The following ELAC2 variants were observed in gnomAD, a reference collection of about 807,000 sequenced individuals.
ELAC2 encodes the protein zinc phosphodiesterase ELAC protein 2.
ELAC2 carries 92 observed loss-of-function variants against 105.2 expected under a neutral mutation model. That is an observed-to-expected ratio of 0.87 (90% confidence interval 0.74 to 1.04). The LOEUF (loss-of-function observed/expected upper bound fraction) is 1.04, where lower values mean the gene tolerates loss of function less well. Among genes scored for constraint, ELAC2 ranks in the 50% least tolerant of loss-of-function variants. ELAC2 has a pLI of 0.00. For synonymous variants in ELAC2, 468 were observed against 409.1 expected, an observed-to-expected ratio of 1.14 and a Z score of -1.74; for missense variants, 1,099 against 1,071.7, an observed-to-expected ratio of 1.03 and a Z score of -0.36.
chr17:13,006,194 A>G (rs1194156819), intron 8 of ELAC2: 1 of 550,350 alleles, frequency 1.8e-6, no homozygotes, highest in Non-Finnish European at 3.3e-6. Flanking sequence ...AACGTGGAGA[A>G]ACCCCGTCTC....
intron 4 of ELAC2, 97 bp from the exon 5 acceptor site, chr17:13,014,593 A>G: frequency 1.1e-6 from 1 of 883,736 alleles, no homozygotes; most frequent in South Asian, 1.3e-5. Flanking sequence ...GTATCAACAT[A>G]AAACAAAGCT....
At chr17:13,001,513 AAAATAAATAAATT>A (rs1567753331) in intron 14 of ELAC2, among the ~76,000 whole-genome samples, 1 of 151,550 alleles carries the variant, frequency 6.6e-6, no homozygotes, top group African/African-American at 2.4e-5. Flanking sequence ...ATAAATAAAT[AAAATAAATAAATT>A]AATTAATTAA....
At chr17:13,011,475 G>T (rs2041406553) in intron 7 of ELAC2, among the ~76,000 whole-genome samples, 188 bp downstream of exon 7, 1 of 152,180 alleles carries the variant, frequency 6.6e-6, no homozygotes, top group Non-Finnish European at 1.5e-5. Context: ...CATTATTAAA[G>T]TTGCAGGCTG....
chr17:13,000,004 A>G lies in ELAC2; in HGVS notation c.1423+152T>C, dbSNP rs118141505. 0.013 allele frequency: 9,616 copies of G among 717,656 alleles called. 516 individuals are homozygous for G. The East Asian group carries it at 0.14, about 11-fold the overall frequency. 44.5% of individuals were successfully genotyped at this position (717,656 alleles called of 1,614,324 possible). A position where few individuals can be genotyped will look rare whatever the true frequency, so the allele number is the denominator to read the frequency against. On this transcript the variant is annotated intron_variant, in intron 15 of 23. Coordinates refer to ENST00000338034, the MANE Select transcript of ELAC2 (RefSeq NM_018127.7). ...CCCAAAGCCCCCTCCTCCAATGACT[A>G]TAATTCTAATGTAGAGCTGAGTAGA...
intron 11 of ELAC2, among the ~76,000 whole-genome samples, chr17:13,004,298 C>A (rs778803524): frequency 2.0e-5 from 3 of 152,082 alleles, no homozygotes; most frequent in Non-Finnish European, 4.4e-5. Context: ...CAACTCCTAA[C>A]GCTCTGACTC....
chr17:12,996,394 T>G, intron 17 of ELAC2, 153 bp downstream of exon 17: 1 of 1,092,312 alleles, frequency 9.2e-7, no homozygotes, highest in Non-Finnish European at 1.4e-6. Flanking sequence ...AAGGACTATG[T>G]TGAGTTTTGC....
intron 4 of ELAC2, among the ~76,000 whole-genome samples, chr17:13,015,341 T>C (rs2041658760): frequency 6.6e-6 from 1 of 152,242 alleles, no homozygotes; most frequent in Non-Finnish European, 1.5e-5. Flanking sequence ...TGAACTGTTA[T>C]ATTCAACAAC....
At chr17:12,996,392 T>C (rs1279730195) in intron 17 of ELAC2, 155 bp downstream of exon 17, 5 of 1,033,650 alleles carry the variant, frequency 4.8e-6, no homozygotes, top group African/African-American at 1.6e-5. Flanking sequence ...AGAAGGACTA[T>C]GTTGAGTTTT....
Position 12,992,863 on chromosome 17 carries a change from C to T in ELAC2, c.2436G>A (p.Arg812=), listed in dbSNP as rs1339958652. The change falls in exon 24 of 24, where the codon CGG becomes CGA. Residue 812 remains arginine (R), a synonymous_variant. Transcript: ENST00000338034. ...GLEDGEPQQK[R]AHTEEPQAKK... ...TGGCCTGTGGCTCCTCTGTGTGGGC[C>T]CGCTTCTGCTGAGGCTCCCCATCCT... 6.2e-7 allele frequency: 1 copy of T among 1,613,592 alleles called. No individual in the cohort carries two copies. The highest frequency in any genetic ancestry group is 1.1e-5 in the South Asian group (1 of 91,084).
chr17:12,997,325 CAG>C (rs2040524936), intron 16 of ELAC2, among the ~76,000 whole-genome samples: 1 of 152,192 alleles, frequency 6.6e-6, no homozygotes, highest in Non-Finnish European at 1.5e-5. Flanking sequence ...TGCTCCAAGG[CAG>C]AGAGAGTGCT....
chr17:13,015,768 C>T lies in ELAC2; in HGVS notation c.432G>A (p.Leu144=). 7 of 1,612,838 alleles carry T rather than the reference C, an allele frequency of 4.3e-6. No homozygotes were observed. Among genetic ancestry groups the T allele is most frequent in the Non-Finnish European group, 5.9e-6 (7 of 1,178,826 alleles). Residue 144 remains leucine (L), a splice_region_variant and synonymous_variant, in exon 4 of 24, where the codon CTG becomes CTA. Coordinates refer to ENST00000338034, the MANE Select transcript of ELAC2 (RefSeq NM_018127.7). ...GAAAGATGTGTCAGGAAAGACTCAC[C>T]AGTTGTGGAGGTCCAGAAAGTACAC... ...PKCVLSGPPQ[L]EKYLEAIKIF...
intron 15 of ELAC2, 86 bp from the exon 16 acceptor site, chr17:12,998,594 G>A: frequency 4.7e-6 from 6 of 1,271,200 alleles, no homozygotes; most frequent in Admixed American, 3.5e-5. Context: ...AATGGTTTGA[G>A]TGTCATTGGT....
intron 4 of ELAC2, among the ~76,000 whole-genome samples, chr17:13,015,215 G>A (rs985909622): frequency 3.3e-5 from 5 of 152,226 alleles, no homozygotes; most frequent in African/African-American, 1.2e-4. Flanking sequence ...TAGTTTACAG[G>A]CATAGAAAAC....
chr17:12,996,707 G>A (rs1414227844), intron 16 of ELAC2, 22 bp from the exon 17 acceptor site: 2 of 1,610,784 alleles, frequency 1.2e-6, no homozygotes, highest in Non-Finnish European at 1.7e-6. Flanking sequence ...AAGAGGAAGA[G>A]AGTCACTGCC....
intron 10 of ELAC2, among the ~76,000 whole-genome samples, 166 bp downstream of exon 10, chr17:13,005,587 G>A (rs200949757): frequency 1.4e-4 from 21 of 152,218 alleles, no homozygotes; most frequent in East Asian, 5.8e-4. Context: ...GTTGACATGC[G>A]GGACAAACAC....
chr17:13,017,465 G>A lies in ELAC2; in HGVS notation c.245+238C>T, dbSNP rs2286335. 10,707 of 826,474 alleles carry A rather than the reference G, an allele frequency of 0.013. 573 individuals carry two copies. The East Asian group carries it at 0.14, about 11-fold the overall frequency. 51.2% of individuals were successfully genotyped at this position (826,474 alleles called of 1,614,324 possible). On this transcript the variant is annotated intron_variant, in intron 1 of 23. Coordinates refer to ENST00000338034, the MANE Select transcript of ELAC2 (RefSeq NM_018127.7). ...TCCGAAAGTGCTGACAGCCAGGCCG[G>A]GGCCCAAGGGTTGGGAAAAGGACGC...
intron 12 of ELAC2, chr17:13,002,826 G>A (rs561090756): frequency 7.8e-5 from 45 of 578,468 alleles, no homozygotes; most frequent in Non-Finnish European, 1.3e-4. Context: ...AAAAGAAGAT[G>A]TCCAGGGCAT....
rs2041848677 is a variant in ELAC2, at chr17:13,017,990, C to T, written c.-43G>A. The T allele has an allele frequency of 1.3e-6, 2 of 1,534,026 alleles. No homozygotes were observed. The highest frequency in any genetic ancestry group is 1.7e-6 in the Non-Finnish European group (2 of 1,146,572). ...AACTGAGAAAGCCGCCGGTCACCTA[C>T]GCCCGCGTTTCCCGTGCACCACCTA... On this transcript the variant is annotated 5_prime_UTR_variant, in exon 1 of 24. Transcript: ENST00000338034.
intron 8 of ELAC2, among the ~76,000 whole-genome samples, chr17:13,008,135 G>C (rs569564179): frequency 6.6e-6 from 1 of 151,900 alleles, no homozygotes; most frequent in African/African-American, 2.4e-5. Flanking sequence ...GGAAGGCAGA[G>C]GTTGCAGTAA....
Sources: gnomAD v4.1 joint callset for allele counts (sites outside exome capture counted in the v4.1 genomes callset) on GRCh38, gnomAD v4.1.1 for gene constraint, MANE v1.5 for transcripts, NCBI Gene and HGNC (gene_info 2026-07-23, HGNC 2026-07-21) for gene names.